PKHD1L1: variants seen among roughly 807,000 people sequenced by gnomAD.
PKHD1L1 encodes PKHD1 like 1.
A neutral mutation model predicts 462.9 loss-of-function variants in PKHD1L1; 434 were observed. The observed-to-expected ratio is 0.94, with a 90% confidence interval of 0.87 to 1.02. The LOEUF is 1.02. Among genes scored for constraint, PKHD1L1 ranks in the 50% least tolerant of loss-of-function variants. The pLI is 0.00. For synonymous variants in PKHD1L1, 1,781 were observed against 1,750.0 expected, an observed-to-expected ratio of 1.02 and a Z score of -0.44; for missense variants, 5,202 against 5,096.1, an observed-to-expected ratio of 1.02 and a Z score of -0.63.
intron 9 of PKHD1L1, 122 bp from the exon 10 acceptor site, chr8:109,394,293 T>G: frequency 1.8e-6 from 1 of 560,092 alleles, no homozygotes; most frequent in Non-Finnish European, 3.1e-6. Context: ...CATTCTTATC[T>G]TCTCCCAAAA....
At chr8:109,502,760 A>G (rs1162849734) in intron 67 of PKHD1L1, among the ~76,000 whole-genome samples, 1 of 152,218 alleles carries the variant, frequency 6.6e-6, no homozygotes, top group East Asian at 1.9e-4. Flanking sequence ...AGGGAGTGAA[A>G]GAAGTATTAG....
At chr8:109,516,031 C>G (rs1820252464) in intron 72 of PKHD1L1, among the ~76,000 whole-genome samples, 2 of 152,094 alleles carry the variant, frequency 1.3e-5, no homozygotes, top group African/African-American at 4.8e-5. Flanking sequence ...TTTGCTTTAC[C>G]ATTTATAGAA....
intron 62 of PKHD1L1, 46 bp downstream of exon 62, chr8:109,492,040 G>A: frequency 1.5e-6 from 2 of 1,307,648 alleles, no homozygotes; most frequent in South Asian, 3.7e-5. Flanking sequence ...AATTATATCA[G>A]TTATTGAAAA....
rs558044141 is a variant in PKHD1L1 at position 109,388,012 on chromosome 8, A to G, written c.570-485A>G. 2.6e-5 allele frequency among the ~76,000 whole-genome samples: 4 copies of G among 152,184 alleles called. No homozygotes were observed. The East Asian group carries it at 5.8e-4, about 22-fold the overall frequency. On this transcript the variant is annotated intron_variant, in intron 6 of 77. Transcript: ENST00000378402. ...TGGCTCTTCTCAGCTTCTTATTTTC[A>G]TTTATGTGTCACTGATGCTGTTAGA...
At chr8:109,393,702 C>T (rs1200991776) in intron 9 of PKHD1L1, among the ~76,000 whole-genome samples, 2 of 152,086 alleles carry the variant, frequency 1.3e-5, no homozygotes, top group Admixed American at 1.3e-4. Flanking sequence ...ATTTATCTAC[C>T]TCATGTGGTT....
intron 21 of PKHD1L1, among the ~76,000 whole-genome samples, chr8:109,415,862 GGGGT>G (rs762148643): frequency 0.19 from 15,591 of 83,788 alleles, 1,324 homozygotes; most frequent in Admixed American, 0.33. Context: ...AAAAAAAAAA[GGGGT>G]GTGTGTGTGT....
chr8:109,461,128 A>G (rs1425463242), intron 47 of PKHD1L1, among the ~76,000 whole-genome samples: 1 of 152,194 alleles, frequency 6.6e-6, no homozygotes, highest in Non-Finnish European at 1.5e-5. Context: ...TGCATCTTAC[A>G]TGTCTCTTTT....
rs1043829225 is a variant in PKHD1L1, at chr8:109,489,937, C to A, written c.9881-15C>A. 6 of 1,498,060 alleles carry A rather than the reference C, an allele frequency of 4.0e-6. No homozygotes were observed. Among genetic ancestry groups the A allele is most frequent in the Non-Finnish European group, 4.6e-6 (5 of 1,083,740 alleles). The allele number at this position is 1,498,060 out of a possible 1,614,324, so 92.8% of individuals were successfully genotyped here. On this transcript the variant is annotated splice_polypyrimidine_tract_variant and intron_variant, in intron 59 of 77. Transcript: ENST00000378402. ...GTTTTAAGAAAAACAAATTTTAAAT[C>A]TTTCCCTACCTTAGGAAATGCAAGA...
chr8:109,449,391 C>G lies in PKHD1L1; in HGVS notation c.6079C>G (p.Gln2027Glu), dbSNP rs771492725. ...MTVTGTGFNP[Q>E]NSIILVCGSE... is the part of the protein sequence containing the mutation. Reference sequence around the variant, plus strand: ...TGTGACAGGCACCGGATTTAATCCACAAAATTCAATTATATTAGTTTGTGG... The same window carrying G: ...TGTGACAGGCACCGGATTTAATCCAGAAAATTCAATTATATTAGTTTGTGG... The change falls in exon 40 of 78, where the codon CAA (glutamine) becomes GAA (glutamate). Residue 2027 changes from glutamine (Q) to glutamate (E), a missense_variant. By Grantham distance (29) the Gln-to-Glu change is conservative. Around this residue, in one of 3 missense-constraint regions of PKHD1L1, gnomAD observed 4,497 missense variants for 4,336.8 expected, o/e 1.04. Coordinates refer to ENST00000378402, the MANE Select transcript of PKHD1L1 (RefSeq NM_177531.6). 2 of 1,588,070 alleles carry G rather than the reference C, an allele frequency of 1.3e-6. No homozygotes were observed. The highest frequency in any genetic ancestry group is 8.6e-7 in the Non-Finnish European group (1 of 1,165,742).
intron 50 of PKHD1L1, among the ~76,000 whole-genome samples, chr8:109,467,077 A>C (rs1051980042): frequency 2.0e-5 from 3 of 152,038 alleles, no homozygotes; most frequent in Non-Finnish European, 2.9e-5. Flanking sequence ...ACTCAAAGCA[A>C]ATGTTTTTGA....
At chr8:109,503,419 G>A (rs945478237) in intron 67 of PKHD1L1, among the ~76,000 whole-genome samples, 1 of 152,280 alleles carries the variant, frequency 6.6e-6, no homozygotes, top group Middle Eastern at 3.4e-3. Context: ...TCTGGGCAGG[G>A]CACAAACAGC....
intron 14 of PKHD1L1, among the ~76,000 whole-genome samples, chr8:109,404,309 A>C (rs2130557420): frequency 6.6e-6 from 1 of 152,258 alleles, no homozygotes; most frequent in Non-Finnish European, 1.5e-5. Flanking sequence ...TTATTGACTA[A>C]GCTGAATGAA....
Position 109,439,017 on chromosome 8 carries a change from G to A in PKHD1L1, c.3881G>A (p.Cys1294Tyr). ...CACTGGAACTTCACAGATATTAGAT[G>A]CCTTTTGCCCAAGTTGTCTCCTGGA... ...ILHWNFTDIR[C>Y]LLPKLSPGKH... The change falls in exon 32 of 78, where the codon TGC (cysteine) becomes TAC (tyrosine). Residue 1294 changes from cysteine (C) to tyrosine (Y), a missense_variant. Coordinates refer to ENST00000378402, the MANE Select transcript of PKHD1L1 (RefSeq NM_177531.6). The A allele has an allele frequency of 6.2e-7, 1 of 1,613,626 alleles. No homozygotes were observed. Among genetic ancestry groups the A allele is most frequent in the Non-Finnish European group, 8.5e-7 (1 of 1,179,662 alleles).
Position 109,419,248 on chromosome 8 carries a change from T to C in PKHD1L1, c.2512T>C (p.Ser838Pro). Residue 838 changes from serine to proline, a missense_variant, in exon 22 of 78, where the codon TCA becomes CCA. Physicochemically the swap from Ser to Pro is moderately conservative, Grantham distance 74 (BLOSUM62 -1). Transcript: ENST00000378402. The part of the protein sequence containing the change: ...VVYIGHTSTI[S>P]TLDEMPKRRL... Reference sequence around the variant, plus strand: ...GTACATTGGACACACATCTACAATCTCAACATTGGATGGTATGTTGTATCA... The same window carrying C: ...GTACATTGGACACACATCTACAATCCCAACATTGGATGGTATGTTGTATCA... 6.2e-7 allele frequency: 1 copy of C among 1,602,732 alleles called. No homozygotes were observed.
intron 53 of PKHD1L1, among the ~76,000 whole-genome samples, chr8:109,478,496 G>T (rs1476789013): frequency 6.6e-6 from 1 of 152,076 alleles, no homozygotes. Context: ...ACAGCCTTTG[G>T]GTGGGGTGGT....
intron 14 of PKHD1L1, among the ~76,000 whole-genome samples, chr8:109,403,550 A>G (rs1175205892): frequency 1.3e-5 from 2 of 152,178 alleles, no homozygotes; most frequent in African/African-American, 4.8e-5. Context: ...GCCACAAGTA[A>G]GGATGCAAAA....
chr8:109,498,548 T>C lies in PKHD1L1; in HGVS notation c.10686T>C (p.Ala3562=), dbSNP rs773331448. 31 of 1,613,410 alleles carry C rather than the reference T, an allele frequency of 1.9e-5. No individual in the cohort carries two copies. The highest frequency in any genetic ancestry group is 2.6e-5 in the Non-Finnish European group (31 of 1,179,422). Residue 3562 remains alanine (A), a synonymous_variant, in exon 66 of 78, where the codon GCT becomes GCC. Coordinates refer to ENST00000378402, the MANE Select transcript of PKHD1L1 (RefSeq NM_177531.6). ...NDDPNIELTA[A]HRSPRSPSGG... is the part of the protein sequence containing the mutation. The stretch of plus-strand genomic sequence containing the variant: ...ATCCTAATATTGAACTCACTGCTGC[T>C]CATCGGAGTCCTAGATCTCCATCAG...
chr8:109,424,774 T>C (rs1351154768), intron 23 of PKHD1L1, among the ~76,000 whole-genome samples: 2 of 152,208 alleles, frequency 1.3e-5, no homozygotes, highest in Non-Finnish European at 1.5e-5. Flanking sequence ...ATTAGCACTG[T>C]ACCTTGAACA....
chr8:109,536,345 C>G lies in PKHD1L1; in HGVS notation c.*6255C>G, dbSNP rs74846203. Among the ~76,000 whole-genome samples the G allele has an allele frequency of 1.6e-3, 246 of 152,316 alleles. 1 individual carries two copies. The highest frequency in any genetic ancestry group is 5.7e-3 in the African/African-American group (238 of 41,566). On this transcript the variant is annotated 3_prime_UTR_variant, in exon 78 of 78. Transcript: ENST00000378402. Reference sequence around the variant, plus strand: ...TTAAAGTTGTTCAAGGTCAAAGTCACGATGTCCATCATGCTGTAGCTCAAT... The same window carrying G: ...TTAAAGTTGTTCAAGGTCAAAGTCAGGATGTCCATCATGCTGTAGCTCAAT...
Sources: gnomAD v4.1 joint callset for allele counts (sites outside exome capture counted in the v4.1 genomes callset) on GRCh38, gnomAD v4.1.1 for gene constraint, gnomAD v4.1.1 regional missense constraint, MANE v1.5 for transcripts, NCBI Gene and HGNC (gene_info 2026-07-23, HGNC 2026-07-21) for gene names.